Variants in NEBL observed in about 807,000 individuals in gnomAD.
The protein encoded by NEBL is LIM and SH3 protein 2.
A neutral mutation model predicts 140.2 loss-of-function variants in NEBL; 122 were observed. The observed-to-expected ratio is 0.87, with a 90% CI of 0.75 to 1.01. The LOEUF (loss-of-function observed/expected upper bound fraction) is 1.01. Ranked by LOEUF, NEBL falls within the 50% of genes least tolerant of loss-of-function variation. The pLI is 0.00. For synonymous variants in NEBL, 436 were observed against 398.9 expected (o/e 1.09, Z -1.11); for missense variants, 1,365 against 1,231.3 (o/e 1.11, Z -1.62).
At chr10:21,165,814 A>T (rs551582929) in intron 2 of NEBL, among the ~76,000 whole-genome samples, 2 of 152,262 alleles carry the variant, frequency 1.3e-5, no homozygotes, top group South Asian at 4.1e-4. Flanking sequence ...TGTGATGGGC[A>T]CAAACAGAAA....
At chr10:20,899,267 G>T, upstream of NEBL, 1 of 431,032 alleles carries the variant, frequency 2.3e-6, no homozygotes, top group Non-Finnish European at 4.1e-6. Context: ...ATTTCTAGGA[G>T]TGTAGGGAGA....
intron 1 of NEBL, among the ~76,000 whole-genome samples, chr10:21,285,028 T>C (rs1175803272): frequency 6.6e-6 from 1 of 152,194 alleles, no homozygotes; most frequent in Non-Finnish European, 1.5e-5. Context: ...ACCACTGCAC[T>C]CTAGCCTGAG....
At chr10:20,964,782 C>T (rs61849666) in intron 3 of NEBL, among the ~76,000 whole-genome samples, 9,668 of 152,182 alleles carry the variant, frequency 0.064, 435 homozygotes, top group Non-Finnish European at 0.091. Flanking sequence ...GAAGTCAACA[C>T]AGAGGCAAGC....
At chr10:20,808,883 G>C (rs1471280942) in intron 25 of NEBL, among the ~76,000 whole-genome samples, 1 of 152,086 alleles carries the variant, frequency 6.6e-6, no homozygotes, top group African/African-American at 2.4e-5. Context: ...CAATTTTAAA[G>C]GACGGGTAAG....
At chr10:20,817,469 A>C in intron 21 of NEBL, 131 bp downstream of exon 21, 1 of 839,288 alleles carries the variant, frequency 1.2e-6, no homozygotes, top group South Asian at 1.4e-5. Flanking sequence ...AAATCTTTCA[A>C]ATAAGTTGTT....
intron 2 of NEBL, chr10:21,030,849 G>C (rs1219435434): frequency 3.1e-6 from 1 of 324,502 alleles, no homozygotes; most frequent in Non-Finnish European, 6.1e-6. Flanking sequence ...ATGCAGGGGT[G>C]GTATTCAAAC....
At chr10:21,120,374 C>CAAAA (rs1157067083) in intron 2 of NEBL, among the ~76,000 whole-genome samples, 5 of 48,382 alleles carry the variant, frequency 1.0e-4, no homozygotes, top group African/African-American at 4.6e-4. Flanking sequence ...GACTGTGTCT[C>CAAAA]AAAAAAAAAA....
At position 20,782,841 on chromosome 10, in the gene NEBL, T is replaced by G. The variant is rs1835118885; in HGVS notation, c.*2906A>C. 6.6e-6 allele frequency: 1 copy of G among 152,606 alleles called. No homozygotes were observed. The highest frequency in any genetic ancestry group is 2.4e-5 in the African/African-American group (1 of 41,452). 9.5% of individuals were successfully genotyped at this position (152,606 alleles called of 1,614,324 possible). A position where few individuals can be genotyped will look rare whatever the true frequency, so the allele number is the denominator to read the frequency against. ...AGAAAGCTTTCTAGAGAACAAGAAT[T>G]ATTAGTAAAAACATGTACTACAAAA... is the stretch of plus-strand genomic sequence containing the variant. On this transcript the variant is annotated 3_prime_UTR_variant, in exon 28 of 28. Transcript: ENST00000377122.
intron 19 of NEBL, among the ~76,000 whole-genome samples, chr10:20,822,065 T>C (rs1839371487): frequency 6.6e-6 from 1 of 152,196 alleles, no homozygotes; most frequent in South Asian, 2.1e-4. Context: ...TTATTACTTA[T>C]GATTAAATGA....
intron 1 of NEBL, among the ~76,000 whole-genome samples, chr10:21,172,976 G>A (rs1389366730): frequency 6.6e-6 from 1 of 152,196 alleles, no homozygotes; most frequent in African/African-American, 2.4e-5. Context: ...CTCGGACTCT[G>A]CCCGGGATGA....
chr10:20,838,585 G>A (rs139900114), intron 13 of NEBL, among the ~76,000 whole-genome samples: 1 of 152,152 alleles, frequency 6.6e-6, no homozygotes, highest in Admixed American at 6.5e-5. Context: ...GGGTTTGAGA[G>A]GTTGGTCTCT....
At chr10:20,941,504 T>C (rs1342251554) in intron 4 of NEBL, among the ~76,000 whole-genome samples, 1 of 152,012 alleles carries the variant, frequency 6.6e-6, no homozygotes, top group Non-Finnish European at 1.5e-5. Context: ...AGTGGAAGCA[T>C]TCCCTTTGAA....
At chr10:21,229,831 C>A (rs1842220692) in intron 3 of NEBL, among the ~76,000 whole-genome samples, 1 of 152,228 alleles carries the variant, frequency 6.6e-6, no homozygotes, top group South Asian at 2.1e-4. Flanking sequence ...AGCACAGAGT[C>A]TGGCGTGTAG....
chr10:20,855,549 AATTG>A, intron 9 of NEBL, among the ~76,000 whole-genome samples: 1 of 151,910 alleles, frequency 6.6e-6, no homozygotes, highest in East Asian at 1.9e-4. Flanking sequence ...AGGAAAACTT[AATTG>A]AATTAAGATC....
intron 17 of NEBL, among the ~76,000 whole-genome samples, chr10:20,827,494 G>C (rs1169781091): frequency 6.6e-6 from 1 of 152,206 alleles, no homozygotes; most frequent in Non-Finnish European, 1.5e-5. Flanking sequence ...TTTATATTTT[G>C]ATGAGATGCT....
At chr10:20,833,670 T>C (rs1288483383) in intron 14 of NEBL, among the ~76,000 whole-genome samples, 2 of 151,068 alleles carry the variant, frequency 1.3e-5, no homozygotes, top group Non-Finnish European at 2.9e-5. Flanking sequence ...TAAGAATGTC[T>C]ACTAGGACCC....
At position 21,152,096 on chromosome 10, in the gene NEBL, G is replaced by T. The variant is rs185506920; in HGVS notation, c.164+20287C>A. 4.6e-5 allele frequency among the ~76,000 whole-genome samples: 7 copies of T among 152,266 alleles called. No homozygotes were observed. In the East Asian group the frequency reaches 1.4e-3, roughly 29 times the overall value. ...CTGAATAATAAATGAAGGAGTGAGT[G>T]CATTTCCGCTATCCGGAAATGGGAC... On this transcript the variant is annotated intron_variant, in intron 2 of 6. Coordinates refer to the NEBL transcript ENST00000417816.
At chr10:20,863,895 T>C (rs1843990089) in intron 7 of NEBL, among the ~76,000 whole-genome samples, 1 of 152,102 alleles carries the variant, frequency 6.6e-6, no homozygotes. Flanking sequence ...GAACATGATA[T>C]TTGAGCTGAT....
At chr10:20,873,553 G>C (rs1845189527) in intron 5 of NEBL, among the ~76,000 whole-genome samples, 1 of 151,118 alleles carries the variant, frequency 6.6e-6, no homozygotes. Context: ...GAGGAGGGGA[G>C]AAAAAGAAAA....
Sources: gnomAD v4.1 joint callset for allele counts (sites outside exome capture counted in the v4.1 genomes callset) on GRCh38, gnomAD v4.1.1 for gene constraint, MANE v1.5 for transcripts, NCBI Gene and HGNC (gene_info 2026-07-23, HGNC 2026-07-21) for gene names.